The following FAM110B variants were observed in gnomAD, a reference collection of about 807,000 sequenced individuals.
FAM110B encodes protein FAM110B.
In FAM110B, 6 loss-of-function variants were observed where a neutral mutation model predicts 20.4. The observed-to-expected ratio is 0.29, with a 90% CI of 0.16 to 0.58. The LOEUF (loss-of-function observed/expected upper bound fraction) is 0.58, where lower values mean the gene tolerates loss of function less well. Among genes scored for constraint, FAM110B ranks in the 20% least tolerant of loss-of-function variants. The pLI, the probability that FAM110B is intolerant of heterozygous loss-of-function variation, is 0.90. For missense variants in FAM110B, 434 were observed against 498.2 expected (o/e 0.87, Z 1.23); for synonymous variants, 226 against 214.1 (o/e 1.06, Z -0.49).
At chr8:58,018,351 C>T (rs1470491991) in intron 1 of FAM110B, among the ~76,000 whole-genome samples, 1 of 152,042 alleles carries the variant, frequency 6.6e-6, no homozygotes, top group Non-Finnish European at 1.5e-5. Context: ...ATGCCTTTTC[C>T]TTGTCTTTGG....
At chr8:58,048,156 G>T (rs1805368290) in intron 2 of FAM110B, among the ~76,000 whole-genome samples, 1 of 152,188 alleles carries the variant, frequency 6.6e-6, no homozygotes, top group Non-Finnish European at 1.5e-5. Context: ...GCAGTCTGTA[G>T]TGGTTTTTCT....
At chr8:58,034,171 G>A (rs1805028697) in intron 2 of FAM110B, among the ~76,000 whole-genome samples, 1 of 152,182 alleles carries the variant, frequency 6.6e-6, no homozygotes, top group African/African-American at 2.4e-5. Flanking sequence ...TGGGCATGGT[G>A]CATCTGTCTA....
chr8:58,095,810 C>T (rs1162160214), intron 3 of FAM110B, among the ~76,000 whole-genome samples: 1 of 152,076 alleles, frequency 6.6e-6, no homozygotes, highest in Non-Finnish European at 1.5e-5. Context: ...TTTTCTGTCT[C>T]GTTGATCTGT....
At chr8:58,022,335 G>A (rs1563499593) in intron 1 of FAM110B, among the ~76,000 whole-genome samples, 2 of 152,152 alleles carry the variant, frequency 1.3e-5, no homozygotes, top group Non-Finnish European at 2.9e-5. Context: ...GTAGTCAGTG[G>A]TGACAGAAAG....
At chr8:58,034,153 C>A (rs1805028360) in intron 2 of FAM110B, among the ~76,000 whole-genome samples, 1 of 152,160 alleles carries the variant, frequency 6.6e-6, no homozygotes, top group South Asian at 2.1e-4. Flanking sequence ...GGACAGATGA[C>A]CATTGAATGG....
At chr8:58,027,515 T>C (rs1389563449) in intron 1 of FAM110B, among the ~76,000 whole-genome samples, 1 of 152,088 alleles carries the variant, frequency 6.6e-6, no homozygotes, top group Non-Finnish European at 1.5e-5. Flanking sequence ...TTTTCGCAAA[T>C]ATGGCAGTTA....
At chr8:58,127,044 T>C (rs1807525621) in intron 3 of FAM110B, among the ~76,000 whole-genome samples, 1 of 152,240 alleles carries the variant, frequency 6.6e-6, no homozygotes, top group East Asian at 1.9e-4. Flanking sequence ...TACAGTTGAC[T>C]CTATGATTTT....
chr8:58,082,967 C>A (rs1806237663), intron 3 of FAM110B, among the ~76,000 whole-genome samples: 1 of 150,392 alleles, frequency 6.6e-6, no homozygotes, highest in South Asian at 2.1e-4. Flanking sequence ...TATGATCATG[C>A]CACTGTGCTC....
At position 58,062,280 on chromosome 8, in the gene FAM110B, A is replaced by G. The variant is rs187151584; in HGVS notation, c.-413-13255A>G. Reference sequence around the variant, plus strand: ...ACAGAAAAATCATCACTGTTTATGCATGGCGTAACATTTCTAAAAAGAAAT... The same window carrying G: ...ACAGAAAAATCATCACTGTTTATGCGTGGCGTAACATTTCTAAAAAGAAAT... On this transcript the variant is annotated intron_variant, in intron 2 of 3. Coordinates refer to ENST00000519262, the MANE Select transcript of FAM110B (RefSeq NM_001377989.1). Among the ~76,000 whole-genome samples, 34 of 152,362 alleles carry G rather than the reference A, an allele frequency of 2.2e-4. 1 individual carries two copies. Among genetic ancestry groups the G allele is most frequent in the Admixed American group, 2.1e-3 (32 of 15,300 alleles).
chr8:58,083,322 C>T (rs1806250586), intron 3 of FAM110B, among the ~76,000 whole-genome samples: 1 of 152,110 alleles, frequency 6.6e-6, no homozygotes, highest in African/African-American at 2.4e-5. Flanking sequence ...TGTAGTTGAA[C>T]ATTATGGTGC....
At chr8:58,072,477 A>G (rs1473067479) in intron 2 of FAM110B, among the ~76,000 whole-genome samples, 2 of 152,354 alleles carry the variant, frequency 1.3e-5, no homozygotes, top group Middle Eastern at 3.4e-3. Context: ...ACAGAATTAA[A>G]CAAGTGTTAT....
At chr8:58,142,991 A>G (rs1209141155) in intron 3 of FAM110B, among the ~76,000 whole-genome samples, 2 of 152,144 alleles carry the variant, frequency 1.3e-5, no homozygotes, top group African/African-American at 4.8e-5. Context: ...GTAGAGTATC[A>G]TGTGCCACAG....
At chr8:57,999,914 C>T (rs1041156140) in intron 1 of FAM110B, among the ~76,000 whole-genome samples, 3 of 152,070 alleles carry the variant, frequency 2.0e-5, no homozygotes, top group South Asian at 2.1e-4. Context: ...AATATATATA[C>T]ACATCCATGA....
chr8:58,135,891 C>T (rs1451940650), intron 3 of FAM110B, among the ~76,000 whole-genome samples: 2 of 151,932 alleles, frequency 1.3e-5, no homozygotes, highest in Non-Finnish European at 2.9e-5. Context: ...GAGTTACTAC[C>T]AGAGTTTATA....
At chr8:58,107,237 A>G (rs1294563523) in intron 3 of FAM110B, among the ~76,000 whole-genome samples, 3 of 152,238 alleles carry the variant, frequency 2.0e-5, no homozygotes, top group African/African-American at 4.8e-5. Flanking sequence ...TGACTTTCTA[A>G]TATTTGCTAC....
intron 1 of FAM110B, among the ~76,000 whole-genome samples, chr8:58,002,158 C>A (rs189039571): frequency 6.6e-6 from 1 of 152,248 alleles, no homozygotes; most frequent in African/African-American, 2.4e-5. Context: ...TTTACTCAGT[C>A]CATCAATTCA....
chr8:58,141,332 A>T (rs1471749489), intron 3 of FAM110B, among the ~76,000 whole-genome samples: 1 of 152,246 alleles, frequency 6.6e-6, no homozygotes, highest in African/African-American at 2.4e-5. Context: ...TCAAAGGTAA[A>T]TTGCTTCTTT....
chr8:58,146,887 C>T lies in FAM110B; in HGVS notation c.657C>T (p.Ser219=). The change falls in exon 4 of 4, where the codon AGC becomes AGT. Residue 219 remains serine, a synonymous_variant. Coordinates refer to ENST00000519262, the MANE Select transcript of FAM110B (RefSeq NM_001377989.1). ...VKPLKAIPCS[S]SAPPLPPKPK... is the part of the protein sequence containing the mutation. ...CCCTCAAGGCCATCCCCTGCAGTAG[C>T]TCTGCCCCTCCCCTGCCTCCCAAGC... 6 of 1,614,200 alleles carry T rather than the reference C, an allele frequency of 3.7e-6. No homozygotes were observed. The highest frequency in any genetic ancestry group is 5.1e-6 in the Non-Finnish European group (6 of 1,180,034).
chr8:58,067,510 C>CA (rs1805798088), intron 2 of FAM110B, among the ~76,000 whole-genome samples: 1 of 152,160 alleles, frequency 6.6e-6, no homozygotes, highest in African/African-American at 2.4e-5. Flanking sequence ...ACGACCTTCA[C>CA]AGCTCTTGAA....
Sources: gnomAD v4.1 joint callset for allele counts (sites outside exome capture counted in the v4.1 genomes callset) on GRCh38, gnomAD v4.1.1 for gene constraint, MANE v1.5 for transcripts, NCBI Gene and HGNC (gene_info 2026-07-23, HGNC 2026-07-21) for gene names.